The following PLEKHA7 variants were observed in gnomAD, a reference collection of about 807,000 sequenced individuals.
PLEKHA7 encodes the protein pleckstrin homology domain-containing family A member 7.
PLEKHA7 carries 104 observed loss-of-function variants against 170.0 expected under a neutral mutation model. That is an observed-to-expected ratio of 0.61 (90% CI 0.52 to 0.72). The LOEUF (loss-of-function observed/expected upper bound fraction) is 0.72. Among genes scored for constraint, PLEKHA7 ranks in the 30% least tolerant of loss-of-function variants. PLEKHA7 has a pLI of 0.00. For missense variants in PLEKHA7, 1,615 were observed against 1,671.7 expected (o/e 0.97, Z 0.59); for synonymous variants, 648 against 660.8 (o/e 0.98, Z 0.30).
intron 3 of PLEKHA7, among the ~76,000 whole-genome samples, chr11:16,913,188 C>T (rs1259628880): frequency 1.3e-5 from 2 of 152,148 alleles, no homozygotes; most frequent in African/African-American, 2.4e-5. Context: ...GTACATTTAC[C>T]GCTTGGCCAA....
intron 3 of PLEKHA7, among the ~76,000 whole-genome samples, chr11:16,951,861 A>G (rs1328010929): frequency 6.6e-6 from 1 of 152,224 alleles, no homozygotes; most frequent in Non-Finnish European, 1.5e-5. Context: ...ACTCAACCAT[A>G]TCTAATTACT....
chr11:16,901,515 C>A (rs116477026), intron 3 of PLEKHA7, among the ~76,000 whole-genome samples: 2 of 152,002 alleles, frequency 1.3e-5, no homozygotes, highest in South Asian at 4.2e-4. Flanking sequence ...TCTCTTTTTT[C>A]GGGGGTGGGA....
rs545502841 is a variant in PLEKHA7 at position 16,899,225 on chromosome 11, G to A, written c.222-28043C>T. ...AAAACTTTTGCATATGGCTGGGCGC[G>A]GTGGCTCACGCCTGTAATCCCAACA... is the stretch of plus-strand genomic sequence containing the variant. On this transcript the variant is annotated intron_variant, in intron 3 of 26. Transcript: ENST00000531066. 9.8e-5 allele frequency among the ~76,000 whole-genome samples: 15 copies of A among 152,288 alleles called. No individual in the cohort carries two copies. The South Asian group carries it at 2.7e-3, about 27-fold the overall frequency.
Position 16,826,165 on chromosome 11 carries a change from G to C in PLEKHA7, c.1298C>G (p.Ala433Gly). ...EKHSQRKSNL[A>G]QVEHWARAQK... ...GGCCCTTGCCCAGTGCTCCACCTGGGCCAGATTGCTCTTCCTTTGGCTGTG... is the reference window on the plus strand; with the variant it reads ...GGCCCTTGCCCAGTGCTCCACCTGGCCCAGATTGCTCTTCCTTTGGCTGTG... Residue 433 changes from alanine to glycine, a missense_variant, in exon 10 of 27, where the codon GCC becomes GGC. By Grantham distance (60) the Ala-to-Gly change is moderately conservative. Transcript: ENST00000531066. 1 of 1,614,176 alleles carries C rather than the reference G, an allele frequency of 6.2e-7. No homozygotes were observed. The highest frequency in any genetic ancestry group is 1.1e-5 in the South Asian group (1 of 91,074).
At chr11:16,779,725 C>G (rs1156643946) in intron 26 of PLEKHA7, among the ~76,000 whole-genome samples, 3 of 152,202 alleles carry the variant, frequency 2.0e-5, no homozygotes, top group Non-Finnish European at 4.4e-5. Context: ...GCACGGGGAG[C>G]ACCCAGGATA....
intron 3 of PLEKHA7, among the ~76,000 whole-genome samples, chr11:16,892,113 G>A (rs985704451): frequency 6.6e-6 from 1 of 152,150 alleles, no homozygotes; most frequent in Non-Finnish European, 1.5e-5. Context: ...AAGGATGTTG[G>A]TAATGGAAGA....
intron 3 of PLEKHA7, among the ~76,000 whole-genome samples, chr11:16,906,341 T>TCCTCTCCCTCTCCCTC (rs1565098641): frequency 4.6e-5 from 5 of 109,428 alleles, no homozygotes; most frequent in African/African-American, 6.8e-5. Flanking sequence ...TCCCTCTCCC[T>TCCTCTCCCTCTCCCTC]CTCTTTCCAC....
At chr11:16,944,959 CTTT>C (rs375481274) in intron 3 of PLEKHA7, among the ~76,000 whole-genome samples, 1 of 152,022 alleles carries the variant, frequency 6.6e-6, no homozygotes, top group Non-Finnish European at 1.5e-5. Context: ...GAGGAGTTCA[CTTT>C]TTTTTCCCCC....
intron 3 of PLEKHA7, among the ~76,000 whole-genome samples, chr11:16,910,067 A>T (rs927569531): frequency 2.6e-5 from 4 of 152,158 alleles, no homozygotes; most frequent in Non-Finnish European, 5.9e-5. Flanking sequence ...TACTTGGCCA[A>T]ATACAAGTCT....
At position 16,923,048 on chromosome 11, in the gene PLEKHA7, T is replaced by C. The variant is rs368453425; in HGVS notation, c.222-51866A>G. Reference sequence around the variant, plus strand: ...CTCACCCCACCATTCCACAGTCTGATACCTGCCTCACTTTCCCCCTAACCT... The same window carrying C: ...CTCACCCCACCATTCCACAGTCTGACACCTGCCTCACTTTCCCCCTAACCT... On this transcript the variant is annotated intron_variant, in intron 3 of 26. Coordinates refer to ENST00000531066, the MANE Select transcript of PLEKHA7 (RefSeq NM_001329630.2). 1.5e-4 allele frequency among the ~76,000 whole-genome samples: 23 copies of C among 152,314 alleles called. 1 individual carries two copies. In the South Asian group the frequency reaches 4.4e-3, roughly 29 times the overall value.
rs1009430532 is a variant in PLEKHA7, at chr11:16,801,072, T to A, written c.2311A>T (p.Met771Leu). Residue 771 changes from methionine (M) to leucine (L), a missense_variant, in exon 17 of 27, where the codon ATG (methionine) becomes TTG (leucine). Coordinates refer to ENST00000531066, the MANE Select transcript of PLEKHA7 (RefSeq NM_001329630.2). ...RAELSRESTE[M>L]ENAWNEYLKL... ...AGGTATTCGTTCCAAGCATTTTCCA[T>A]CTCCTGTTGGCCAAGACAATGCTTC... The A allele has an allele frequency of 6.2e-7, 1 of 1,613,990 alleles. No individual in the cohort carries two copies. The highest frequency in any genetic ancestry group is 8.5e-7 in the Non-Finnish European group (1 of 1,179,844).
chr11:16,805,789 C>CAA (rs11339921), intron 13 of PLEKHA7, among the ~76,000 whole-genome samples: 24 of 111,186 alleles, frequency 2.2e-4, no homozygotes, highest in African/African-American at 6.5e-4. Context: ...GACTCCATGT[C>CAA]AAAAAAAAAA....
chr11:16,800,961 G>C lies in PLEKHA7; in HGVS notation c.2409+13C>G. Reference sequence around the variant, plus strand: ...AACAAGAGCTCAGAAGAGATGGACAGGTATCAGGTCACCTGGAAAAAAAAG... The same window carrying C: ...AACAAGAGCTCAGAAGAGATGGACACGTATCAGGTCACCTGGAAAAAAAAG... On this transcript the variant is annotated intron_variant, in intron 17 of 26. Coordinates refer to ENST00000531066, the MANE Select transcript of PLEKHA7 (RefSeq NM_001329630.2). The C allele has an allele frequency of 6.2e-7, 1 of 1,605,530 alleles. No individual in the cohort carries two copies. Among genetic ancestry groups the C allele is most frequent in the Non-Finnish European group, 8.5e-7 (1 of 1,172,234 alleles).
intron 3 of PLEKHA7, among the ~76,000 whole-genome samples, chr11:16,952,473 G>T (rs1268109336): frequency 1.3e-5 from 2 of 152,034 alleles, no homozygotes; most frequent in African/African-American, 4.8e-5. Context: ...ACTTTCATGT[G>T]AAAGAGAAAT....
intron 3 of PLEKHA7, among the ~76,000 whole-genome samples, chr11:16,891,031 G>A (rs150096091): frequency 6.7e-6 from 1 of 149,428 alleles, no homozygotes; most frequent in Non-Finnish European, 1.5e-5. Context: ...CTCCTGAGTA[G>A]CTAGTATAGA....
chr11:16,911,564 C>T (rs1035172513), intron 3 of PLEKHA7, among the ~76,000 whole-genome samples: 18 of 152,142 alleles, frequency 1.2e-4, no homozygotes, highest in Non-Finnish European at 4.4e-5. Context: ...TCACTCATGG[C>T]AGTAGTCTTG....
At chr11:16,851,551 C>T (rs1335515760) in intron 7 of PLEKHA7, among the ~76,000 whole-genome samples, 5 of 152,110 alleles carry the variant, frequency 3.3e-5, no homozygotes, top group African/African-American at 1.2e-4. Context: ...CAGATTCAAG[C>T]GATTCTCCTG....
Position 16,855,793 on chromosome 11 carries a change from A to C in PLEKHA7, c.417+10T>G. 1 of 1,580,304 alleles carries C rather than the reference A, an allele frequency of 6.3e-7. No homozygotes were observed. Among genetic ancestry groups the C allele is most frequent in the Non-Finnish European group, 8.7e-7 (1 of 1,153,452 alleles). ...GAAGGGAAGGAAGGAACAAGTGGCC[A>C]GGAGCTCACCTTGGGTCCAGGCTTG... On this transcript the variant is annotated intron_variant, in intron 5 of 26. Coordinates refer to ENST00000531066, the MANE Select transcript of PLEKHA7 (RefSeq NM_001329630.2).
At chr11:16,833,242 C>CAG (rs1851258227) in intron 9 of PLEKHA7, among the ~76,000 whole-genome samples, 1 of 152,154 alleles carries the variant, frequency 6.6e-6, no homozygotes, top group Admixed American at 6.5e-5. Context: ...CTCCCTCCCA[C>CAG]AGAGAAGAGC....
Sources: gnomAD v4.1 joint callset for allele counts (sites outside exome capture counted in the v4.1 genomes callset) on GRCh38, gnomAD v4.1.1 for gene constraint, MANE v1.5 for transcripts, NCBI Gene and HGNC (gene_info 2026-07-23, HGNC 2026-07-21) for gene names.